Variants in ZBTB7B observed in about 807,000 individuals in gnomAD.
ZBTB7B encodes zinc finger and BTB domain-containing protein 7B.
Under a neutral mutation model 31.0 loss-of-function variants are expected in ZBTB7B, and 8 were observed. The ratio of observed to expected loss-of-function variants is 0.26; its 90% CI spans 0.15 to 0.47. The LOEUF (loss-of-function observed/expected upper bound fraction) is 0.47. ZBTB7B is among the 20% of genes least tolerant of loss of function. ZBTB7B has a pLI of 0.99. For missense variants in ZBTB7B, 494 were observed against 742.4 expected (o/e 0.67, Z 3.89); for synonymous variants, 261 against 307.3 (o/e 0.85, Z 1.58).
At chr1:155,006,504 C>G (rs377539696) in intron 1 of ZBTB7B, among the ~76,000 whole-genome samples, 44 of 152,244 alleles carry the variant, frequency 2.9e-4, no homozygotes, top group African/African-American at 1.0e-3. Flanking sequence ...ATTCAGGGGT[C>G]GAAGGTGCCC....
At chr1:155,013,959 G>A in intron 1 of ZBTB7B, 2 of 902,712 alleles carry the variant, frequency 2.2e-6, no homozygotes, top group Non-Finnish European at 2.7e-6. Context: ...AGGGGCAAGA[G>A]GAGGAAGAGG....
At chr1:155,010,877 G>C (rs758764692) in intron 1 of ZBTB7B, 1 of 1,513,072 alleles carries the variant, frequency 6.6e-7, no homozygotes, top group Non-Finnish European at 8.9e-7. Context: ...CACCAGGAGC[G>C]TTGGGAAGAG....
intron 1 of ZBTB7B, among the ~76,000 whole-genome samples, chr1:155,009,432 C>T (rs1658799745): frequency 2.0e-5 from 3 of 152,098 alleles, no homozygotes; most frequent in Admixed American, 2.0e-4. Flanking sequence ...GCGGTCTCCT[C>T]AGGCCCTAAG....
intron 1 of ZBTB7B, among the ~76,000 whole-genome samples, chr1:155,005,053 G>A (rs1055116231): frequency 6.6e-6 from 1 of 151,366 alleles, no homozygotes; most frequent in Non-Finnish European, 1.5e-5. Context: ...TCTTCCCCAT[G>A]GTGCCCCCTG....
chr1:155,002,097 G>A (rs1435035817), upstream of ZBTB7B, among the ~76,000 whole-genome samples: 1 of 151,214 alleles, frequency 6.6e-6, no homozygotes, highest in Non-Finnish European at 1.5e-5. Context: ...TTCCCTGGCC[G>A]CTGCGGACAC....
rs1330014726 is a variant in ZBTB7B at position 155,003,845 on chromosome 1, C to T, written c.-7+902C>T. On this transcript the variant is annotated intron_variant, in intron 1 of 2. Transcript: ENST00000535420. This position sits in a 1 kb window ranked among gnomAD's most constrained non-coding sequence, Gnocchi z 5.8. ...ATTTCCAGCTTTCTCTCCCTCCTCCCACCCCATCCCAAGTAAGAGAGCGAC... is the reference window on the plus strand; with the variant it reads ...ATTTCCAGCTTTCTCTCCCTCCTCCTACCCCATCCCAAGTAAGAGAGCGAC... 6.6e-6 allele frequency among the ~76,000 whole-genome samples: 1 copy of T among 152,200 alleles called. No individual in the cohort carries two copies.
Position 155,017,076 on chromosome 1 carries a change from G to A in ZBTB7B, c.*391G>A, listed in dbSNP as rs1659475273. The A allele has an allele frequency of 5.4e-6, 1 of 184,372 alleles. No individual in the cohort carries two copies. Among genetic ancestry groups the A allele is most frequent in the African/African-American group, 2.3e-5 (1 of 42,596 alleles). 11.4% of individuals were successfully genotyped at this position (184,372 alleles called of 1,614,324 possible). ...CCTTGCCCCGCCCCTATGCCCCTTG[G>A]GGGTTTTGGCTGTGTAAGGGGGTGA... On this transcript the variant is annotated 3_prime_UTR_variant, in exon 3 of 3. Transcript: ENST00000535420.
chr1:155,014,426 G>A lies in ZBTB7B; in HGVS notation c.-6-229G>A, dbSNP rs1659213021. On this transcript the variant is annotated intron_variant, in intron 1 of 2. Transcript: ENST00000535420. Reference sequence around the variant, plus strand: ...ACTCCCTGAGTTTGAACACTGTTCTGCACTTAACTTGGAAAATCACTTCAC... The same window carrying A: ...ACTCCCTGAGTTTGAACACTGTTCTACACTTAACTTGGAAAATCACTTCAC... 4 of 577,814 alleles carry A rather than the reference G, an allele frequency of 6.9e-6. No individual in the cohort carries two copies. In the East Asian group the frequency reaches 1.2e-4, roughly 17 times the overall value. The allele number at this position is 577,814 out of a possible 1,614,324, so 35.8% of individuals were successfully genotyped here.
At position 155,004,060 on chromosome 1, in the gene ZBTB7B, G is replaced by A. The variant is rs575058815; in HGVS notation, c.-7+1117G>A. Among the ~76,000 whole-genome samples, 7 of 152,318 alleles carry A rather than the reference G, an allele frequency of 4.6e-5. No individual in the cohort carries two copies. The highest frequency in any genetic ancestry group is 1.0e-4 in the Non-Finnish European group (7 of 68,010). ...CTGAGACATGGTGAGACCTCGGGGC[G>A]CCCTGGGGGGCAGGGGGGCGGGGAG... On this transcript the variant is annotated intron_variant, in intron 1 of 2. Coordinates refer to ENST00000535420, the MANE Select transcript of ZBTB7B (RefSeq NM_001256455.2). This position sits in a 1 kb window ranked among gnomAD's most constrained non-coding sequence, Gnocchi z 4.0.
chr1:155,008,461 C>CTG (rs984518241), intron 1 of ZBTB7B, among the ~76,000 whole-genome samples: 2 of 152,108 alleles, frequency 1.3e-5, no homozygotes, highest in African/African-American at 4.8e-5. Context: ...CTCTGAGGGG[C>CTG]TGGGACCCAG....
At position 155,016,849 on chromosome 1, in the gene ZBTB7B, G is replaced by T; in HGVS notation, c.*164G>T. ...CCTCATTCCAATTCCAAGCTAAGAA[G>T]GTATTGGGGCAGAGGCTCCCCAAAT... On this transcript the variant is annotated 3_prime_UTR_variant, in exon 3 of 3. Coordinates refer to ENST00000535420, the MANE Select transcript of ZBTB7B (RefSeq NM_001256455.2). The surrounding 1 kb of genome is among the most constrained non-coding windows in gnomAD (Gnocchi z 4.3). The T allele has an allele frequency of 1.7e-6, 1 of 582,824 alleles. No homozygotes were observed. The allele number at this position is 582,824 out of a possible 1,614,324, so 36.1% of individuals were successfully genotyped here. A position where few individuals can be genotyped will look rare whatever the true frequency, so the allele number is the denominator to read the frequency against.
At position 155,014,914 on chromosome 1, in the gene ZBTB7B, G is replaced by A. The variant is rs140771969; in HGVS notation, c.254G>A (p.Gly85Glu). 4 of 1,613,974 alleles carry A rather than the reference G, an allele frequency of 2.5e-6. No homozygotes were observed. The highest frequency in any genetic ancestry group is 3.4e-6 in the Non-Finnish European group (4 of 1,179,994). Residue 85 changes from glycine to glutamate, a missense_variant, in exon 2 of 3, where the codon GGG becomes GAG. By Grantham distance (98) the Gly-to-Glu change is moderately conservative. Coordinates refer to ENST00000535420, the MANE Select transcript of ZBTB7B (RefSeq NM_001256455.2). ...AGCGGGACGGCCACTGGGGGAGCAG[G>A]GGCCGGTGTGTGTGAGCTGGACTTT... The part of the protein sequence containing the change: ...GGSGTATGGA[G>E]AGVCELDFVG...
At position 155,018,416 on chromosome 1, in the gene ZBTB7B, G is replaced by T; in HGVS notation, c.*1731G>T. On this transcript the variant is annotated 3_prime_UTR_variant, in exon 3 of 3. Transcript: ENST00000535420. Reference sequence around the variant, plus strand: ...TCCCTACTTTCGGCTTTCCCAGTCAGTGCCTTAGGGGGAGAGGCACTCCCC... The same window carrying T: ...TCCCTACTTTCGGCTTTCCCAGTCATTGCCTTAGGGGGAGAGGCACTCCCC... 1.0e-6 allele frequency: 1 copy of T among 960,732 alleles called. No homozygotes were observed. The highest frequency in any genetic ancestry group is 1.5e-6 in the Non-Finnish European group (1 of 657,338). The allele number at this position is 960,732 out of a possible 1,614,324, so 59.5% of individuals were successfully genotyped here.
chr1:155,012,374 C>G (rs1394788465), intron 1 of ZBTB7B, among the ~76,000 whole-genome samples: 1 of 152,120 alleles, frequency 6.6e-6, no homozygotes, highest in Non-Finnish European at 1.5e-5. Context: ...TTAGGAGGGA[C>G]AGGATCCACT....
chr1:155,014,951 G>A lies in ZBTB7B; in HGVS notation c.291G>A (p.Glu97=). 1 of 1,613,926 alleles carries A rather than the reference G, an allele frequency of 6.2e-7. No individual in the cohort carries two copies. Among genetic ancestry groups the A allele is most frequent in the Non-Finnish European group, 8.5e-7 (1 of 1,180,000 alleles). The change falls in exon 2 of 3, where the codon GAG becomes GAA. Residue 97 remains glutamate (E), a synonymous_variant. Transcript: ENST00000535420. ...GVCELDFVGP[E]ALGALLEFAY... The stretch of plus-strand genomic sequence containing the variant: ...GTGAGCTGGACTTTGTAGGGCCAGA[G>A]GCACTAGGCGCCCTCCTTGAATTTG...
rs1019174590 is a variant in ZBTB7B, at chr1:155,017,864, C to T, written c.*1179C>T. On this transcript the variant is annotated 3_prime_UTR_variant, in exon 3 of 3. Coordinates refer to ENST00000535420, the MANE Select transcript of ZBTB7B (RefSeq NM_001256455.2). ...CCTTCCCAGATCCTTGCCAGCCGGG[C>T]TTCCTGTCAGGCAGGGGAGAATAAT... The T allele has an allele frequency of 6.6e-6, 1 of 152,470 alleles. No homozygotes were observed. Among genetic ancestry groups the T allele is most frequent in the African/African-American group, 2.4e-5 (1 of 41,482 alleles). The allele number at this position is 152,470 out of a possible 1,614,324, so 9.4% of individuals were successfully genotyped here.
Position 155,015,404 on chromosome 1 carries a change from T to G in ZBTB7B, c.744T>G (p.Ser248Arg). The G allele has an allele frequency of 1.3e-6, 2 of 1,568,490 alleles. No homozygotes were observed. The highest frequency in any genetic ancestry group is 1.7e-6 in the Non-Finnish European group (2 of 1,154,648). ...GCAGAGTGGGCAGCAGTGGGGGCAG[T>G]GGGCCGGGGGACAGCTACAGCCCTC... Reference protein sequence around the residue: ...VAGRVGSSGGSGPGDSYSPPT... With the variant: ...VAGRVGSSGGRGPGDSYSPPT... The change falls in exon 2 of 3, where the codon AGT (serine) becomes AGG (arginine). Residue 248 changes from serine to arginine, a missense_variant. Around this residue, in one of 5 missense-constraint regions of ZBTB7B, gnomAD observed 216 missense variants for 229.3 expected, o/e 0.94. Coordinates refer to ENST00000535420, the MANE Select transcript of ZBTB7B (RefSeq NM_001256455.2).
chr1:155,003,327 C>A lies in ZBTB7B; in HGVS notation c.-7+384C>A, dbSNP rs1658350449. 6.6e-6 allele frequency among the ~76,000 whole-genome samples: 1 copy of A among 150,972 alleles called. No homozygotes were observed. Among genetic ancestry groups the A allele is most frequent in the Non-Finnish European group, 1.5e-5 (1 of 67,796 alleles). On this transcript the variant is annotated intron_variant, in intron 1 of 2. Transcript: ENST00000535420. This position sits in a 1 kb window ranked among gnomAD's most constrained non-coding sequence, Gnocchi z 5.8. The stretch of plus-strand genomic sequence containing the variant: ...CCGGACTGAGTTGAGGGAATGGAAA[C>A]GCTGACGGACTCTAACTAGGACAAC...
intron 1 of ZBTB7B, among the ~76,000 whole-genome samples, chr1:155,013,798 C>T (rs1659166432): frequency 6.6e-6 from 1 of 150,918 alleles, no homozygotes; most frequent in African/African-American, 2.4e-5. Flanking sequence ...GCACCCGCGC[C>T]AGCCAGTGAC....
Sources: allele counts gnomAD v4.1 joint callset (sites outside exome capture counted in the v4.1 genomes callset), GRCh38; gene constraint gnomAD v4.1.1; regional missense constraint gnomAD v4.1.1; non-coding constraint Gnocchi (gnomAD v3.1); transcripts MANE v1.5; gene names NCBI Gene and HGNC (gene_info 2026-07-23, HGNC 2026-07-21).